EPS15L1: variants seen among roughly 807,000 people sequenced by gnomAD.
The protein encoded by EPS15L1 is epidermal growth factor receptor pathway substrate 15 like 1, also known as epidermal growth factor receptor substrate 15-like 1.
In EPS15L1, 43 loss-of-function variants were observed where a neutral mutation model predicts 117.1. The ratio of observed to expected loss-of-function variants is 0.37; its 90% CI spans 0.29 to 0.47. EPS15L1 has a LOEUF of 0.47. Among genes scored for constraint, EPS15L1 ranks in the 20% least tolerant of loss-of-function variants. The pLI, the probability that EPS15L1 is intolerant of heterozygous loss-of-function variation, is 0.99. For synonymous variants in EPS15L1, 459 were observed against 470.5 expected (o/e 0.98, Z 0.32); for missense variants, 981 against 1,164.0 (o/e 0.84, Z 2.29).
chr19:16,422,971 G>T (rs200835104), intron 9 of EPS15L1, among the ~76,000 whole-genome samples: 1 of 100,552 alleles, frequency 9.9e-6, no homozygotes, highest in Admixed American at 8.9e-5. Context: ...GAAAAAAAAA[G>T]GGGGGGGGGA....
chr19:16,369,216 G>A (rs777422666), intron 22 of EPS15L1, among the ~76,000 whole-genome samples: 3 of 152,076 alleles, frequency 2.0e-5, no homozygotes, highest in South Asian at 2.1e-4. Flanking sequence ...CCAGCCCCGC[G>A]CGCACTCTGC....
intron 9 of EPS15L1, among the ~76,000 whole-genome samples, chr19:16,424,050 T>C (rs529056175): frequency 6.6e-6 from 1 of 152,340 alleles, no homozygotes; most frequent in Admixed American, 6.5e-5. Flanking sequence ...GCCGTGGAGC[T>C]GGCTCTCCCA....
In EPS15L1 at chr19:16,369,676, AGTGTGTGTGTGT is replaced by A. The variant is rs10543332; in HGVS notation, c.2380+7434_2380+7445del. Among the ~76,000 whole-genome samples the A allele has an allele frequency of 9.2e-4, 134 of 146,138 alleles. 1 individual carries two copies. Among genetic ancestry groups the A allele is most frequent in the Middle Eastern group, 3.5e-3 (1 of 284 alleles). Reference sequence around the variant, plus strand: ...CTGCACCAGCCCTGGAAGAAAAAAAAGTGTGTGTGTGTGTGTGTGTGTGTGTGTGTGTAGGGT... The same window carrying A: ...CTGCACCAGCCCTGGAAGAAAAAAAAGTGTGTGTGTGTGTGTGTGTAGGGT... On this transcript the variant is annotated intron_variant, in intron 22 of 23. Transcript: ENST00000455140.
chr19:16,441,760 G>T, intron 3 of EPS15L1, 132 bp downstream of exon 3: 1 of 646,606 alleles, frequency 1.5e-6, no homozygotes, highest in Non-Finnish European at 2.7e-6. Context: ...CAGCCTGAGA[G>T]GTCTGCAGCG....
Position 16,450,477 on chromosome 19 carries a change from CT to C in EPS15L1, c.34-8259del, listed in dbSNP as rs768287701. ...CGTGAGCCCCAGGCATGTCCATCTT[CT>C]TTTTTTTTTTTTTTTTTTTTGAGAC... On this transcript the variant is annotated intron_variant, in intron 1 of 23. Transcript: ENST00000455140. Among the ~76,000 whole-genome samples the C allele has an allele frequency of 2.5e-3, 274 of 108,160 alleles. 1 individual carries two copies. Among genetic ancestry groups the C allele is most frequent in the Middle Eastern group, 0.016 (3 of 190 alleles). 71.0% of individuals were successfully genotyped at this position (108,160 alleles called of 152,430 possible). A position where few individuals can be genotyped will look rare whatever the true frequency, so the allele number is the denominator to read the frequency against.
rs1233457480 is a variant in EPS15L1, at chr19:16,404,816, G to T, written c.1267-67C>A. On this transcript the variant is annotated intron_variant, in intron 13 of 23. Transcript: ENST00000455140. The surrounding 1 kb of genome is among the most constrained non-coding windows in gnomAD (Gnocchi z 4.2). The stretch of plus-strand genomic sequence containing the variant: ...TGAAGCATGTCCAAGATAACGGGGG[G>T]CAGCCTGGGCCAGAAGTCCAGGGGA... 1 of 1,563,638 alleles carries T rather than the reference G, an allele frequency of 6.4e-7. No homozygotes were observed. Among genetic ancestry groups the T allele is most frequent in the African/African-American group, 1.3e-5 (1 of 74,146 alleles).
intron 10 of EPS15L1, among the ~76,000 whole-genome samples, chr19:16,421,026 G>A (rs1359263763): frequency 6.6e-6 from 1 of 152,250 alleles, no homozygotes; most frequent in Non-Finnish European, 1.5e-5. Flanking sequence ...CAGCATCACA[G>A]CCAGCAAGAA....
chr19:16,382,266 G>A (rs750765005), intron 21 of EPS15L1, among the ~76,000 whole-genome samples: 9 of 152,292 alleles, frequency 5.9e-5, no homozygotes, highest in Middle Eastern at 3.4e-3. Flanking sequence ...CGTCATTTCC[G>A]AATCCCAATT....
chr19:16,368,532 CAT>C (rs1327005731), intron 22 of EPS15L1, among the ~76,000 whole-genome samples: 6 of 151,644 alleles, frequency 4.0e-5, no homozygotes, highest in Non-Finnish European at 7.4e-5. Flanking sequence ...TGATCCCACA[CAT>C]CTCTCGTTCA....
At chr19:16,470,017 C>T (rs2093335063) in intron 1 of EPS15L1, among the ~76,000 whole-genome samples, 1 of 152,086 alleles carries the variant, frequency 6.6e-6, no homozygotes, top group Non-Finnish European at 1.5e-5. Context: ...GCTGACATTT[C>T]CAAACGAAGA....
At chr19:16,356,117 A>G (rs890874783) in intron 23 of EPS15L1, among the ~76,000 whole-genome samples, 5 of 152,130 alleles carry the variant, frequency 3.3e-5, no homozygotes, top group African/African-American at 1.2e-4. Flanking sequence ...GAAACCAGCC[A>G]CCCCGCCCCA....
At chr19:16,384,843 T>TTG (rs2092402373) in intron 21 of EPS15L1, among the ~76,000 whole-genome samples, 1 of 152,140 alleles carries the variant, frequency 6.6e-6, no homozygotes, top group South Asian at 2.1e-4. Flanking sequence ...AAGTTTCTAC[T>TTG]CGGCCATGGC....
In EPS15L1 at chr19:16,371,667, C is replaced by T. The variant is rs1177035234; in HGVS notation, c.2380+5455G>A. Among the ~76,000 whole-genome samples, 1 of 152,200 alleles carries T rather than the reference C, an allele frequency of 6.6e-6. No individual in the cohort carries two copies. On this transcript the variant is annotated intron_variant, in intron 22 of 23. Transcript: ENST00000455140. This position sits in a 1 kb window ranked among gnomAD's most constrained non-coding sequence, Gnocchi z 4.7. ...GAACCGCAACGCAGGGCCGCGCTGG[C>T]AGGAAGTGGCAAGGGTGGGGCCGGT...
At position 16,381,515 on chromosome 19, in the gene EPS15L1, TC is replaced by T. The variant is rs1199297903; in HGVS notation, c.2247+3613del. On this transcript the variant is annotated intron_variant, in intron 21 of 23. Transcript: ENST00000455140. This position sits in a 1 kb window ranked among gnomAD's most constrained non-coding sequence, Gnocchi z 4.2. ...GCAAGAGTGACAGAGCTCGGAAGGC[TC>T]CGGCAAGAAGGAAATGAGGTGCCAT... is the stretch of plus-strand genomic sequence containing the variant. 3.3e-5 allele frequency among the ~76,000 whole-genome samples: 5 copies of T among 152,134 alleles called. No individual in the cohort carries two copies. The highest frequency in any genetic ancestry group is 1.2e-4 in the African/African-American group (5 of 41,426).
chr19:16,385,083 A>C (rs771187081), intron 21 of EPS15L1, 46 bp downstream of exon 21: 15 of 1,460,190 alleles, frequency 1.0e-5, no homozygotes, highest in South Asian at 1.0e-4. Flanking sequence ...GACAAGAGGC[A>C]CAAAGACACT....
intron 1 of EPS15L1, among the ~76,000 whole-genome samples, chr19:16,464,980 G>A (rs1161505906): frequency 6.6e-6 from 1 of 151,920 alleles, no homozygotes; most frequent in Non-Finnish European, 1.5e-5. Context: ...GCAGGAGGCT[G>A]AGGCAGTAGA....
At chr19:16,437,942 C>T in intron 4 of EPS15L1, 77 bp from the exon 5 acceptor site, 2 of 1,123,128 alleles carry the variant, frequency 1.8e-6, no homozygotes, top group South Asian at 2.6e-5. Flanking sequence ...TAACAGCAGG[C>T]TTCAGGGAAA....
chr19:16,459,442 T>TA (rs1386508412), intron 1 of EPS15L1, among the ~76,000 whole-genome samples: 3 of 152,120 alleles, frequency 2.0e-5, no homozygotes, highest in Non-Finnish European at 4.4e-5. Flanking sequence ...AGGCCTTCAG[T>TA]AAATGTCTGT....
rs2092357987 is a variant in EPS15L1, at chr19:16,381,162, C to T, written c.2248-3908G>A. Among the ~76,000 whole-genome samples, 1 of 152,262 alleles carries T rather than the reference C, an allele frequency of 6.6e-6. No homozygotes were observed. The highest frequency in any genetic ancestry group is 2.1e-4 in the South Asian group (1 of 4,834). On this transcript the variant is annotated intron_variant, in intron 21 of 23. Coordinates refer to ENST00000455140, the MANE Select transcript of EPS15L1 (RefSeq NM_001258374.3). The surrounding 1 kb of genome is among the most constrained non-coding windows in gnomAD (Gnocchi z 4.2). ...AAGCTGCCCAGGCAGGAGACACTCG[C>T]TCTGTGCTGATCTTCTCACCTAATA... is the stretch of plus-strand genomic sequence containing the variant.
Sources: allele counts gnomAD v4.1 joint callset (sites outside exome capture counted in the v4.1 genomes callset), GRCh38; gene constraint gnomAD v4.1.1; non-coding constraint Gnocchi (gnomAD v3.1); transcripts MANE v1.5; gene names NCBI Gene and HGNC (gene_info 2026-07-23, HGNC 2026-07-21).